The following VEPH1 variants were observed in gnomAD, a reference collection of about 807,000 sequenced individuals.
VEPH1 encodes ventricular zone expressed PH domain containing 1.
Under a neutral mutation model 85.2 loss-of-function variants are expected in VEPH1, and 80 were observed. The ratio of observed to expected loss-of-function variants is 0.94; its 90% CI spans 0.78 to 1.13. The LOEUF (loss-of-function observed/expected upper bound fraction) is 1.13, where lower values mean the gene tolerates loss of function less well. Ranked by LOEUF, VEPH1 falls within the 50% of genes most tolerant of loss-of-function variation. The pLI is 0.00. For synonymous variants in VEPH1, 297 were observed against 348.0 expected, an observed-to-expected ratio of 0.85 and a Z score of 1.63; for missense variants, 955 against 980.5, an observed-to-expected ratio of 0.97 and a Z score of 0.35.
chr3:157,392,940 G>A (rs971353811), intron 6 of VEPH1, among the ~76,000 whole-genome samples: 1 of 152,122 alleles, frequency 6.6e-6, no homozygotes, highest in African/African-American at 2.4e-5. Context: ...TATTTCTCAG[G>A]CTCCTTTTAA....
At chr3:157,437,790 C>A in intron 4 of VEPH1, 1 of 1,464,380 alleles carries the variant, frequency 6.8e-7, no homozygotes. Flanking sequence ...GTATGGAGGG[C>A]GCGGAGGCGC....
intron 6 of VEPH1, among the ~76,000 whole-genome samples, chr3:157,401,621 G>A (rs1402760353): frequency 6.6e-6 from 1 of 152,026 alleles, no homozygotes; most frequent in Non-Finnish European, 1.5e-5. Context: ...ACCTTGCCTT[G>A]GATTGGTGAT....
intron 2 of VEPH1, among the ~76,000 whole-genome samples, chr3:157,482,807 A>G (rs983498346): frequency 6.6e-6 from 1 of 152,160 alleles, no homozygotes; most frequent in Non-Finnish European, 1.5e-5. Context: ...TACTAGGTAT[A>G]GAAATGATAC....
In VEPH1 at chr3:157,351,268, A is replaced by G. The variant is rs375320463; in HGVS notation, c.1735+12096T>C. Among the ~76,000 whole-genome samples the G allele has an allele frequency of 3.5e-4, 53 of 152,276 alleles. No homozygotes were observed. The East Asian group carries it at 8.7e-3, about 25-fold the overall frequency. ...CAAGACCAGCCTGGCCAACATGGTA[A>G]AACCCCATTTTTAATAAAAATACAA... is the stretch of plus-strand genomic sequence containing the variant. On this transcript the variant is annotated intron_variant, in intron 9 of 13. Transcript: ENST00000362010.
rs78218468 is a variant in VEPH1 at position 157,377,325 on chromosome 3, T to TA, written c.1127+3830dup. Among the ~76,000 whole-genome samples the TA allele has an allele frequency of 2.6e-3, 342 of 129,200 alleles. 1 individual carries two copies. The highest frequency in any genetic ancestry group is 4.9e-3 in the African/African-American group (171 of 35,196). The allele number at this position is 129,200 out of a possible 152,430, so 84.8% of individuals were successfully genotyped here. On this transcript the variant is annotated intron_variant, in intron 7 of 13. Transcript: ENST00000362010. Reference sequence around the variant, plus strand: ...CTGCCCTCTCACCTCAGAAAAATACTAAAAAAAAAAAAAAAGATATTTAAA... The same window carrying TA: ...CTGCCCTCTCACCTCAGAAAAATACTAAAAAAAAAAAAAAAAGATATTTAAA...
intron 12 of VEPH1, among the ~76,000 whole-genome samples, chr3:157,275,034 C>T (rs904387478): frequency 1.3e-5 from 2 of 152,074 alleles, no homozygotes; most frequent in African/African-American, 4.8e-5. Context: ...GAAGGAATGA[C>T]AATAGACAAT....
At chr3:157,438,005 G>A in intron 4 of VEPH1, 1 of 1,435,122 alleles carries the variant, frequency 7.0e-7, no homozygotes. Context: ...CCTTCTAGGG[G>A]AAGCTTTCAT....
At chr3:157,428,843 A>C (rs1732939946) in intron 4 of VEPH1, among the ~76,000 whole-genome samples, 1 of 152,222 alleles carries the variant, frequency 6.6e-6, no homozygotes, top group Non-Finnish European at 1.5e-5. Context: ...ACGATGTTTA[A>C]ATGAAAACTA....
At chr3:157,398,426 G>T (rs951530614) in intron 6 of VEPH1, among the ~76,000 whole-genome samples, 2 of 151,938 alleles carry the variant, frequency 1.3e-5, no homozygotes, top group South Asian at 4.2e-4. Flanking sequence ...ACGAGGTCAG[G>T]AGATCGAGAC....
intron 11 of VEPH1, among the ~76,000 whole-genome samples, chr3:157,299,559 C>CAAAAAAAA (rs10535235): frequency 3.9e-5 from 4 of 103,080 alleles, no homozygotes; most frequent in South Asian, 3.5e-4. Context: ...GGCCCTGTCT[C>CAAAAAAAA]AAAAAAAAAA....
At chr3:157,405,709 CTTATAATGCTCTCCT>C (rs1731089885) in intron 6 of VEPH1, among the ~76,000 whole-genome samples, 2 of 152,318 alleles carry the variant, frequency 1.3e-5, no homozygotes, top group African/African-American at 4.8e-5. Flanking sequence ...ACAAGCCAAA[CTTATAATGCTCTCCT>C]AAAACTCCCC....
chr3:157,473,319 G>C (rs1016576884), intron 2 of VEPH1, among the ~76,000 whole-genome samples: 6 of 151,828 alleles, frequency 4.0e-5, no homozygotes, highest in Non-Finnish European at 7.4e-5. Context: ...TGATCTGCCT[G>C]CCTTGGCCTC....
intron 2 of VEPH1, among the ~76,000 whole-genome samples, chr3:157,472,703 G>A (rs1737079946): frequency 2.6e-5 from 4 of 152,114 alleles, no homozygotes. Flanking sequence ...CCCAGTGTGT[G>A]TTGTTCCCCT....
chr3:157,453,561 C>T (rs1735137535), intron 4 of VEPH1, among the ~76,000 whole-genome samples: 2 of 151,946 alleles, frequency 1.3e-5, no homozygotes, highest in African/African-American at 4.8e-5. Context: ...GATGACCATT[C>T]AATGTATTTT....
intron 12 of VEPH1, among the ~76,000 whole-genome samples, chr3:157,266,844 G>A (rs977995314): frequency 2.0e-5 from 3 of 152,092 alleles, no homozygotes; most frequent in Non-Finnish European, 4.4e-5. Flanking sequence ...GTAGGACAAT[G>A]TTTATTTATA....
chr3:157,403,607 A>C (rs767071567), intron 6 of VEPH1, among the ~76,000 whole-genome samples: 2 of 152,174 alleles, frequency 1.3e-5, no homozygotes, highest in Admixed American at 6.6e-5. Flanking sequence ...TTGCACTTGC[A>C]TACAGTGCCT....
chr3:157,273,875 G>A (rs894601022), intron 12 of VEPH1, among the ~76,000 whole-genome samples: 1 of 152,198 alleles, frequency 6.6e-6, no homozygotes, highest in Non-Finnish European at 1.5e-5. Flanking sequence ...TATTTAACCA[G>A]TGTGCTGAAT....
chr3:157,293,389 A>G (rs536779383), intron 11 of VEPH1, among the ~76,000 whole-genome samples: 1 of 152,318 alleles, frequency 6.6e-6, no homozygotes, highest in South Asian at 2.1e-4. Context: ...ACTCCTCACT[A>G]TCACTACATA....
chr3:157,273,380 A>C (rs141025240), intron 12 of VEPH1, among the ~76,000 whole-genome samples: 109 of 152,308 alleles, frequency 7.2e-4, no homozygotes, highest in Non-Finnish European at 1.4e-3. Context: ...AGATCTGTGC[A>C]CAGGGTCTAA....
Sources: gnomAD v4.1 joint callset for allele counts (sites outside exome capture counted in the v4.1 genomes callset) on GRCh38, gnomAD v4.1.1 for gene constraint, MANE v1.5 for transcripts, NCBI Gene and HGNC (gene_info 2026-07-23, HGNC 2026-07-21) for gene names.